The following PRKCE variants were observed in gnomAD, a reference collection of about 807,000 sequenced individuals.
PRKCE encodes protein kinase C epsilon type.
In PRKCE, 16 loss-of-function variants were observed where a neutral mutation model predicts 85.4. The ratio of observed to expected loss-of-function variants is 0.19; its 90% CI spans 0.13 to 0.28. The LOEUF (loss-of-function observed/expected upper bound fraction) is 0.28. Ranked by LOEUF, PRKCE falls within the 10% of genes least tolerant of loss-of-function variation. The pLI, the probability that PRKCE is intolerant of heterozygous loss-of-function variation, is 1.00. For missense variants in PRKCE, 573 were observed against 975.2 expected (o/e 0.59, Z 5.49); for synonymous variants, 388 against 371.5 (o/e 1.04, Z -0.51).
At chr2:45,678,980 G>C (rs1572916627) in intron 1 of PRKCE, among the ~76,000 whole-genome samples, 1 of 152,192 alleles carries the variant, frequency 6.6e-6, no homozygotes, top group East Asian at 1.9e-4. Flanking sequence ...GCAAAAGAAA[G>C]GCTTACATTG....
intron 2 of PRKCE, among the ~76,000 whole-genome samples, chr2:45,949,058 G>A (rs1700433044): frequency 1.3e-5 from 2 of 152,180 alleles, no homozygotes; most frequent in Non-Finnish European, 2.9e-5. Context: ...CAGTGTTCTA[G>A]TGAACATCGT....
intron 1 of PRKCE, among the ~76,000 whole-genome samples, chr2:45,770,484 G>T (rs1325850456): frequency 2.0e-5 from 3 of 152,160 alleles, no homozygotes; most frequent in Non-Finnish European, 4.4e-5. Flanking sequence ...TGTTTCTGGA[G>T]CTCGCAGAAG....
At chr2:45,823,926 T>C (rs1275883193) in intron 1 of PRKCE, among the ~76,000 whole-genome samples, 3 of 152,188 alleles carry the variant, frequency 2.0e-5, no homozygotes, top group African/African-American at 7.2e-5. Flanking sequence ...GGATATGGCG[T>C]CTGGCTCAGC....
intron 10 of PRKCE, among the ~76,000 whole-genome samples, chr2:46,076,816 TA>T (rs1403213853): frequency 2.6e-5 from 4 of 151,960 alleles, no homozygotes; most frequent in Admixed American, 2.0e-4. Context: ...TATTTAACCT[TA>T]AAAAAAGAAA....
chr2:45,956,572 C>T (rs765733354), intron 2 of PRKCE, among the ~76,000 whole-genome samples: 2 of 151,910 alleles, frequency 1.3e-5, no homozygotes, highest in African/African-American at 4.8e-5. Context: ...GTAGTCCCAG[C>T]TACTCAGGAA....
chr2:45,686,054 C>T (rs1036095644), intron 1 of PRKCE, among the ~76,000 whole-genome samples: 1 of 152,152 alleles, frequency 6.6e-6, no homozygotes, highest in Non-Finnish European at 1.5e-5. Flanking sequence ...GATCTTAGTG[C>T]CTTATCTTGT....
chr2:46,138,417 C>A lies in PRKCE; in HGVS notation c.1593-6676C>A, dbSNP rs994640251. Reference sequence around the variant, plus strand: ...TGTGACCTCAGACAAGTTACCTTTTCTGAGCCTCAGTTTCCTCATACATTT... The same window carrying A: ...TGTGACCTCAGACAAGTTACCTTTTATGAGCCTCAGTTTCCTCATACATTT... On this transcript the variant is annotated intron_variant, in intron 11 of 14. Transcript: ENST00000306156. The surrounding 1 kb of genome is among the most constrained non-coding windows in gnomAD (Gnocchi z 4.2). Among the ~76,000 whole-genome samples the A allele has an allele frequency of 6.6e-6, 1 of 152,232 alleles. No individual in the cohort carries two copies. The highest frequency in any genetic ancestry group is 6.5e-5 in the Admixed American group (1 of 15,288).
At position 46,187,310 on chromosome 2, in the gene PRKCE, A is replaced by G. The variant is rs897424372; in HGVS notation, c.*2429A>G. ...TTCCACCTGGCAGCTGAAGGCAGCC[A>G]GTCAGTCTGTCCCAGAAAGGGCCCT... On this transcript the variant is annotated 3_prime_UTR_variant, in exon 15 of 15. Transcript: ENST00000306156. The G allele has an allele frequency of 6.6e-6, 1 of 152,480 alleles. No individual in the cohort carries two copies. The highest frequency in any genetic ancestry group is 1.9e-4 in the East Asian group (1 of 5,190). 9.4% of individuals were successfully genotyped at this position (152,480 alleles called of 1,614,324 possible).
chr2:46,096,965 G>C (rs1370934687), intron 11 of PRKCE, among the ~76,000 whole-genome samples: 2 of 152,136 alleles, frequency 1.3e-5, no homozygotes, highest in Non-Finnish European at 2.9e-5. Context: ...GGGTTGTTTA[G>C]GGGCTCGGCC....
intron 2 of PRKCE, among the ~76,000 whole-genome samples, chr2:45,867,807 T>C (rs1693727402): frequency 2.0e-5 from 3 of 152,172 alleles, no homozygotes; most frequent in African/African-American, 7.2e-5. Flanking sequence ...TTGATTTTTG[T>C]ATATTATCCT....
chr2:45,888,187 G>T (rs144578402), intron 2 of PRKCE, among the ~76,000 whole-genome samples: 2 of 152,190 alleles, frequency 1.3e-5, no homozygotes, highest in South Asian at 2.1e-4. Context: ...GGCAAAAGGC[G>T]CTGGGTTTGT....
intron 1 of PRKCE, among the ~76,000 whole-genome samples, chr2:45,737,484 C>G (rs1323839030): frequency 1.3e-5 from 2 of 152,216 alleles, no homozygotes; most frequent in East Asian, 3.8e-4. Context: ...AAGCGGGAGA[C>G]CCGGAGTGGG....
At chr2:46,101,238 G>A (rs1395386864) in intron 11 of PRKCE, among the ~76,000 whole-genome samples, 1 of 152,178 alleles carries the variant, frequency 6.6e-6, no homozygotes, top group Admixed American at 6.5e-5. Context: ...TTTAGGTGGG[G>A]ATGGCAGACA....
chr2:46,032,145 A>T (rs1355768163), intron 10 of PRKCE, among the ~76,000 whole-genome samples: 1 of 152,242 alleles, frequency 6.6e-6, no homozygotes, highest in African/African-American at 2.4e-5. Context: ...TGTAGCACAC[A>T]TACAACTTTT....
At chr2:45,808,894 A>G (rs1688449401) in intron 1 of PRKCE, among the ~76,000 whole-genome samples, 1 of 152,152 alleles carries the variant, frequency 6.6e-6, no homozygotes. Context: ...GATGGGCATG[A>G]ACAGAGCTAT....
At chr2:45,683,068 C>T (rs1249904587) in intron 1 of PRKCE, among the ~76,000 whole-genome samples, 1 of 152,168 alleles carries the variant, frequency 6.6e-6, no homozygotes, top group East Asian at 1.9e-4. Context: ...TAACTTTGAG[C>T]ATTTTATCCT....
chr2:45,892,147 A>C (rs1400338350), intron 2 of PRKCE, among the ~76,000 whole-genome samples: 1 of 152,174 alleles, frequency 6.6e-6, no homozygotes, highest in Non-Finnish European at 1.5e-5. Context: ...TCTGTTTTCC[A>C]GAAGGCTTGC....
rs1469048564 is a variant in PRKCE, at chr2:45,786,465, C to T, written c.349-56535C>T. Among the ~76,000 whole-genome samples the T allele has an allele frequency of 6.6e-6, 1 of 152,228 alleles. No homozygotes were observed. The highest frequency in any genetic ancestry group is 1.5e-5 in the Non-Finnish European group (1 of 68,044). On this transcript the variant is annotated intron_variant, in intron 1 of 14. Transcript: ENST00000306156. This position sits in a 1 kb window ranked among gnomAD's most constrained non-coding sequence, Gnocchi z 5.3. ...CCCACTCCCTCTCTTTCTGGCTGCT[C>T]CTAGTATCTGCTTTCAGCCATTTTA...
rs1285096265 is a variant in PRKCE at position 45,697,879 on chromosome 2, G to A, written c.348+45431G>A. The stretch of plus-strand genomic sequence containing the variant: ...TTATCCCCAGATTCTTTAATTGGAT[G>A]TAGTTTTTTTTTACATTGGAAGAAA... On this transcript the variant is annotated intron_variant, in intron 1 of 14. Coordinates refer to ENST00000306156, the MANE Select transcript of PRKCE (RefSeq NM_005400.3). This position sits in a 1 kb window ranked among gnomAD's most constrained non-coding sequence, Gnocchi z 4.2. 1 of 152,574 alleles carries A rather than the reference G, an allele frequency of 6.6e-6. No individual in the cohort carries two copies. Among genetic ancestry groups the A allele is most frequent in the Non-Finnish European group, 1.5e-5 (1 of 68,026 alleles). 9.5% of individuals were successfully genotyped at this position (152,574 alleles called of 1,614,324 possible).
Sources: gnomAD v4.1 joint callset for allele counts (sites outside exome capture counted in the v4.1 genomes callset) on GRCh38, gnomAD v4.1.1 for gene constraint, Gnocchi (gnomAD v3.1) non-coding constraint, MANE v1.5 for transcripts, NCBI Gene and HGNC (gene_info 2026-07-23, HGNC 2026-07-21) for gene names.